Variants in ASIC2 observed in about 807,000 individuals in gnomAD.
ASIC2 encodes acid sensing ion channel subunit 2, also known as acid-sensing ion channel 2.
A neutral mutation model predicts 57.3 loss-of-function variants in ASIC2; 25 were observed. The observed-to-expected ratio is 0.44, with a 90% CI of 0.32 to 0.61. The LOEUF is 0.61. ASIC2 is among the 20% of genes least tolerant of loss of function. The pLI is 0.06. For synonymous variants in ASIC2, 319 were observed against 307.5 expected (o/e 1.04, Z -0.39); for missense variants, 641 against 738.1 (o/e 0.87, Z 1.52).
intron 1 of ASIC2, among the ~76,000 whole-genome samples, chr17:33,835,135 C>T (rs1344232753): frequency 6.6e-6 from 1 of 152,184 alleles, no homozygotes; most frequent in African/African-American, 2.4e-5. Context: ...GACCTGGCCT[C>T]AGAGGCATTC....
chr17:33,638,478 C>T (rs964148336), intron 1 of ASIC2, among the ~76,000 whole-genome samples: 14 of 152,148 alleles, frequency 9.2e-5, no homozygotes, highest in African/African-American at 3.1e-4. Flanking sequence ...ATGCTCTGAT[C>T]GATGAGTGTT....
chr17:33,314,767 G>C (rs911234563), intron 1 of ASIC2, among the ~76,000 whole-genome samples: 3 of 152,176 alleles, frequency 2.0e-5, no homozygotes, highest in Non-Finnish European at 2.9e-5. Context: ...GGAAAAGAAC[G>C]ATTCTATTTT....
intron 3 of ASIC2, among the ~76,000 whole-genome samples, chr17:33,071,790 A>C (rs1164232872): frequency 6.6e-6 from 1 of 152,190 alleles, no homozygotes; most frequent in African/African-American, 2.4e-5. Context: ...CTTTTAGTTT[A>C]GGGCTAATTA....
intron 1 of ASIC2, among the ~76,000 whole-genome samples, chr17:33,582,981 A>C (rs1237625209): frequency 6.9e-6 from 1 of 144,760 alleles, no homozygotes; most frequent in Non-Finnish European, 1.5e-5. Context: ...AATGCTGCAA[A>C]TGAGTGGGGC....
chr17:33,472,805 G>A (rs542994969), intron 1 of ASIC2, among the ~76,000 whole-genome samples: 1 of 152,168 alleles, frequency 6.6e-6, no homozygotes, highest in Non-Finnish European at 1.5e-5. Flanking sequence ...AACTGACAAG[G>A]GATGAGTTTG....
intron 2 of ASIC2, among the ~76,000 whole-genome samples, chr17:33,105,627 A>G (rs2092231707): frequency 6.6e-6 from 1 of 152,244 alleles, no homozygotes; most frequent in African/African-American, 2.4e-5. Flanking sequence ...AGGGCTCAGA[A>G]GAAGACACGA....
chr17:33,060,590 A>C (rs1267622797), intron 3 of ASIC2, among the ~76,000 whole-genome samples: 1 of 152,200 alleles, frequency 6.6e-6, no homozygotes, highest in African/African-American at 2.4e-5. Context: ...GCAGTTGGGT[A>C]GCATGATGCC....
At chr17:34,102,171 T>C (rs1474220116) in intron 1 of ASIC2, among the ~76,000 whole-genome samples, 1 of 151,118 alleles carries the variant, frequency 6.6e-6, no homozygotes, top group Non-Finnish European at 1.5e-5. Flanking sequence ...CTCTACTAAA[T>C]ATACAAAAAT....
chr17:34,112,763 A>G (rs1158936235), intron 1 of ASIC2, among the ~76,000 whole-genome samples: 3 of 152,176 alleles, frequency 2.0e-5, no homozygotes, highest in African/African-American at 7.2e-5. Flanking sequence ...TTCTCACTCC[A>G]TAAGACATTG....
chr17:33,951,840 C>T (rs1286806811), intron 1 of ASIC2, among the ~76,000 whole-genome samples: 2 of 151,714 alleles, frequency 1.3e-5, no homozygotes, highest in Non-Finnish European at 2.9e-5. Context: ...GTTATCCACC[C>T]GTCTTGGCCT....
At chr17:33,121,216 G>A (rs17836689) in intron 1 of ASIC2, among the ~76,000 whole-genome samples, 34,915 of 152,160 alleles carry the variant, frequency 0.23, 4,282 homozygotes, top group East Asian at 0.43. Context: ...TGTTCCATCC[G>A]GGACCATGCC....
At position 33,455,780 on chromosome 17, in the gene ASIC2, G is replaced by T. The variant is rs118181428; in HGVS notation, c.556-343713C>A. 5.5e-3 allele frequency among the ~76,000 whole-genome samples: 838 copies of T among 152,342 alleles called. 5 individuals carry two copies. The highest frequency in any genetic ancestry group is 8.4e-3 in the Non-Finnish European group (569 of 68,034). Reference sequence around the variant, plus strand: ...ATTTACATCTCAAAAGCCCCAGATAGCCGGGAATATCTGAAGGACTGACTA... The same window carrying T: ...ATTTACATCTCAAAAGCCCCAGATATCCGGGAATATCTGAAGGACTGACTA... On this transcript the variant is annotated intron_variant, in intron 1 of 9. Transcript: ENST00000359872.
chr17:33,517,319 T>A (rs1289597949), intron 1 of ASIC2, among the ~76,000 whole-genome samples: 3 of 152,218 alleles, frequency 2.0e-5, no homozygotes, highest in Admixed American at 2.0e-4. Context: ...TTTCACCATG[T>A]TGGCCAGGCT....
chr17:33,256,252 A>C (rs1909064562), intron 1 of ASIC2, among the ~76,000 whole-genome samples: 1 of 152,198 alleles, frequency 6.6e-6, no homozygotes, highest in African/African-American at 2.4e-5. Context: ...CAGAGCAATG[A>C]AAAAAACAAT....
intron 1 of ASIC2, among the ~76,000 whole-genome samples, chr17:33,639,778 A>G (rs1433861938): frequency 6.6e-6 from 1 of 150,980 alleles, no homozygotes; most frequent in Non-Finnish European, 1.5e-5. Context: ...AAAAAAAAAA[A>G]GCGGAACAAA....
At chr17:33,718,619 A>G (rs1909295580) in intron 1 of ASIC2, among the ~76,000 whole-genome samples, 1 of 152,194 alleles carries the variant, frequency 6.6e-6, no homozygotes, top group African/African-American at 2.4e-5. Flanking sequence ...TGTCCTTGCG[A>G]GCAGACACCT....
At chr17:34,017,808 C>A (rs1907023241) in intron 1 of ASIC2, among the ~76,000 whole-genome samples, 2 of 152,150 alleles carry the variant, frequency 1.3e-5, no homozygotes, top group Admixed American at 1.3e-4. Context: ...GAGAAAGCTG[C>A]AGAAGTAAAG....
chr17:33,147,766 C>T (rs1162217767), intron 1 of ASIC2, among the ~76,000 whole-genome samples: 1 of 152,172 alleles, frequency 6.6e-6, no homozygotes, highest in Non-Finnish European at 1.5e-5. Context: ...AGGAGACTAA[C>T]ATTTATTGAC....
chr17:33,626,515 G>A (rs1905989318), intron 1 of ASIC2, among the ~76,000 whole-genome samples: 1 of 152,046 alleles, frequency 6.6e-6, no homozygotes, highest in Admixed American at 6.5e-5. Context: ...ACTATTTAAC[G>A]AAATGCGCTC....
Sources: allele counts gnomAD v4.1 joint callset (sites outside exome capture counted in the v4.1 genomes callset), GRCh38; gene constraint gnomAD v4.1.1; transcripts MANE v1.5; gene names NCBI Gene and HGNC (gene_info 2026-07-23, HGNC 2026-07-21).